The following DTNA variants were observed in gnomAD, a reference collection of about 807,000 sequenced individuals.
DTNA encodes the protein dystrobrevin alpha, also known as dystrophin-related protein 3.
Under a neutral mutation model 100.7 loss-of-function variants are expected in DTNA, and 43 were observed. That is an observed-to-expected ratio of 0.43 (90% CI 0.33 to 0.55). The LOEUF is 0.55. Ranked by LOEUF, DTNA falls within the 20% of genes least tolerant of loss-of-function variation. The probability of loss-of-function intolerance (pLI) is 0.04; values close to 1 mark genes in which losing one functional copy is unlikely to be tolerated. For synonymous variants in DTNA, 349 were observed against 347.9 expected (o/e 1.00, Z -0.04); for missense variants, 798 against 953.9 (o/e 0.84, Z 2.15).
At chr18:34,636,957 C>A (rs1182229118) in intron 1 of DTNA, among the ~76,000 whole-genome samples, 1 of 152,102 alleles carries the variant, frequency 6.6e-6, no homozygotes. Flanking sequence ...ATAGGAGACT[C>A]TGTCATTGAT....
At chr18:34,807,793 CA>C in intron 5 of DTNA, among the ~76,000 whole-genome samples, 1 of 149,650 alleles carries the variant, frequency 6.7e-6, no homozygotes, top group South Asian at 2.1e-4. Context: ...CTATCTACCT[CA>C]GTGCTTATTT....
intron 1 of DTNA, among the ~76,000 whole-genome samples, chr18:34,511,851 G>A (rs16965346): frequency 0.037 from 5,605 of 152,006 alleles, 324 homozygotes; most frequent in African/African-American, 0.13. Context: ...GTGAGTATGC[G>A]TGTATCAGTT....
chr18:34,887,741 A>G (rs2096936011), intron 22 of DTNA, 25 bp from the exon 23 acceptor site: 12 of 985,392 alleles, frequency 1.2e-5, no homozygotes, highest in African/African-American at 1.7e-5. Flanking sequence ...ATCTTTAAAA[A>G]AAATTACACA....
intron 1 of DTNA, among the ~76,000 whole-genome samples, chr18:34,686,528 G>C (rs935157985): frequency 1.3e-5 from 2 of 152,180 alleles, no homozygotes; most frequent in African/African-American, 4.8e-5. Flanking sequence ...TATGCTGCTG[G>C]ATTCAGTTTG....
chr18:34,671,738 CCTTT>C (rs2076782910), intron 1 of DTNA, among the ~76,000 whole-genome samples: 1 of 151,986 alleles, frequency 6.6e-6, no homozygotes, highest in African/African-American at 2.4e-5. Context: ...AAGGTTTTAT[CCTTT>C]CTTCCTTTAT....
intron 11 of DTNA, among the ~76,000 whole-genome samples, chr18:34,836,625 G>A (rs1470294745): frequency 7.1e-6 from 1 of 139,932 alleles, no homozygotes; most frequent in Non-Finnish European, 1.5e-5. Context: ...TCCAGCCTGT[G>A]CAACAGAGCG....
intron 4 of DTNA, among the ~76,000 whole-genome samples, chr18:34,801,615 A>G (rs2149174632): frequency 6.6e-6 from 1 of 151,606 alleles, no homozygotes; most frequent in South Asian, 2.1e-4. Context: ...GGTTCAAGCA[A>G]TTCCCCTGCC....
intron 1 of DTNA, among the ~76,000 whole-genome samples, chr18:34,670,618 GT>G (rs1347719586): frequency 6.6e-6 from 1 of 152,186 alleles, no homozygotes; most frequent in Admixed American, 6.5e-5. Context: ...TGTCCTTTCT[GT>G]TTGTTAGTTA....
chr18:34,550,276 A>G (rs967454458), intron 1 of DTNA, among the ~76,000 whole-genome samples: 1 of 152,112 alleles, frequency 6.6e-6, no homozygotes, highest in African/African-American at 2.4e-5. Context: ...AACATTTTTC[A>G]TACACTATTT....
chr18:34,679,419 C>T (rs2077795232), intron 1 of DTNA: 1 of 152,168 alleles, frequency 6.6e-6, no homozygotes, highest in Non-Finnish European at 1.5e-5. Flanking sequence ...GTAATAAATA[C>T]AGAAGTGTGA....
intron 3 of DTNA, among the ~76,000 whole-genome samples, chr18:34,780,155 A>G (rs1169778570): frequency 6.6e-6 from 1 of 152,190 alleles, no homozygotes; most frequent in Non-Finnish European, 1.5e-5. Context: ...GTTTTTAACC[A>G]TTGATGGTGT....
chr18:34,719,465 G>A (rs1481448071), intron 1 of DTNA, among the ~76,000 whole-genome samples: 2 of 152,048 alleles, frequency 1.3e-5, no homozygotes, highest in African/African-American at 4.8e-5. Context: ...GGCCCGAGAG[G>A]TTAAGTAATC....
At chr18:34,854,937 A>T (rs1288355584) in intron 15 of DTNA, among the ~76,000 whole-genome samples, 1 of 152,228 alleles carries the variant, frequency 6.6e-6, no homozygotes, top group Non-Finnish European at 1.5e-5. Context: ...GGTGACTATT[A>T]TCATCCCCAT....
chr18:34,616,955 G>A (rs2055421073), intron 1 of DTNA, among the ~76,000 whole-genome samples: 1 of 152,086 alleles, frequency 6.6e-6, no homozygotes, highest in Non-Finnish European at 1.5e-5. Context: ...AAATGCTACT[G>A]ATTTTTTTCA....
At chr18:34,869,304 ACACT>A (rs1373292940) in intron 17 of DTNA, among the ~76,000 whole-genome samples, 2 of 152,114 alleles carry the variant, frequency 1.3e-5, no homozygotes, top group Non-Finnish European at 2.9e-5. Context: ...TATTTTACAC[ACACT>A]CACATACACA....
intron 1 of DTNA, among the ~76,000 whole-genome samples, chr18:34,639,222 TC>T (rs1334265945): frequency 5.9e-5 from 9 of 152,200 alleles, no homozygotes; most frequent in Non-Finnish European, 1.2e-4. Flanking sequence ...AGGCAAATCA[TC>T]CTTTGTTGTG....
At chr18:34,664,680 A>G (rs1424729652) in intron 1 of DTNA, among the ~76,000 whole-genome samples, 1 of 152,170 alleles carries the variant, frequency 6.6e-6, no homozygotes, top group Non-Finnish European at 1.5e-5. Flanking sequence ...TATCACAGAG[A>G]CACAAGGACA....
intron 1 of DTNA, among the ~76,000 whole-genome samples, chr18:34,530,801 A>G (rs2043065522): frequency 6.6e-6 from 1 of 152,128 alleles, no homozygotes. Flanking sequence ...AGTTCCTACC[A>G]TTCTTAACCA....
chr18:34,567,087 G>C (rs2047151609), intron 1 of DTNA, among the ~76,000 whole-genome samples: 1 of 152,264 alleles, frequency 6.6e-6, no homozygotes, highest in Non-Finnish European at 1.5e-5. Flanking sequence ...GTTGAACCCT[G>C]AGGTTTCTTT....
Sources: allele counts gnomAD v4.1 joint callset (sites outside exome capture counted in the v4.1 genomes callset), GRCh38; gene constraint gnomAD v4.1.1; transcripts MANE v1.5; gene names NCBI Gene and HGNC (gene_info 2026-07-23, HGNC 2026-07-21).